Variants in TBX20 observed in about 807,000 individuals in gnomAD.
The protein encoded by TBX20 is T-box transcription factor TBX20.
TBX20 carries 8 observed loss-of-function variants against 42.9 expected under a neutral mutation model. That is an observed-to-expected ratio of 0.19 (90% confidence interval 0.11 to 0.34). The LOEUF is 0.34. Ranked by LOEUF, TBX20 falls within the 10% of genes least tolerant of loss-of-function variation. The pLI is 1.00. For missense variants in TBX20, 411 were observed against 566.0 expected (o/e 0.73, Z 2.78); for synonymous variants, 198 against 222.8 (o/e 0.89, Z 0.99).
chr7:35,222,348 TAAC>T (rs1337037897), intron 6 of TBX20, among the ~76,000 whole-genome samples: 6 of 152,072 alleles, frequency 3.9e-5, no homozygotes, highest in Non-Finnish European at 8.8e-5. Flanking sequence ...TTGATAAATA[TAAC>T]AAAAGACAGA....
At chr7:35,242,986 A>AT (rs1428813782) in intron 4 of TBX20, among the ~76,000 whole-genome samples, 3 of 151,436 alleles carry the variant, frequency 2.0e-5, no homozygotes, top group East Asian at 3.9e-4. Context: ...ATTAAATATA[A>AT]TTTTTTTTTG....
In TBX20 at chr7:35,248,697, G is replaced by A. The variant is rs751924057; in HGVS notation, c.525C>T (p.Ala175=). The A allele has an allele frequency of 4.3e-6, 7 of 1,612,298 alleles. No homozygotes were observed. Among genetic ancestry groups the A allele is most frequent in the Admixed American group, 3.3e-5 (2 of 60,008 alleles). Residue 175 remains alanine, a synonymous_variant, in exon 3 of 8, where the codon GCC becomes GCT. Coordinates refer to ENST00000408931, the MANE Select transcript of TBX20 (RefSeq NM_001077653.2). ...CGAACCTGGCTGGCAACGGCGGGTC[G>A]GCCTTGCCAGCCACCAGCCAGGAGG... ...HRSSWLVAGK[A]DPPLPARLYV...
intron 6 of TBX20, among the ~76,000 whole-genome samples, chr7:35,224,397 C>T (rs1291049728): frequency 6.6e-6 from 1 of 152,086 alleles, no homozygotes; most frequent in African/African-American, 2.4e-5. Context: ...GAGGGCTGGG[C>T]GCAGTGGCTC....
intron 6 of TBX20, among the ~76,000 whole-genome samples, chr7:35,224,048 G>T (rs1014649220): frequency 3.9e-5 from 6 of 152,170 alleles, no homozygotes; most frequent in African/African-American, 1.4e-4. Context: ...ACATGGGACA[G>T]ACATTAACAT....
chr7:35,250,240 T>G, intron 1 of TBX20, 37 bp from the exon 2 acceptor site: 1 of 1,609,844 alleles, frequency 6.2e-7, no homozygotes, highest in Non-Finnish European at 8.5e-7. Flanking sequence ...CAGCTGACAC[T>G]GTTCAACAAG....
intron 6 of TBX20, among the ~76,000 whole-genome samples, chr7:35,229,739 G>A (rs1376464638): frequency 1.3e-5 from 2 of 152,114 alleles, no homozygotes; most frequent in Non-Finnish European, 2.9e-5. Flanking sequence ...GAAACATAGA[G>A]TTACATGGGA....
chr7:35,253,483 G>A lies in TBX20; in HGVS notation c.127+11C>T, dbSNP rs1434341814. 5 of 1,607,738 alleles carry A rather than the reference G, an allele frequency of 3.1e-6. No homozygotes were observed. The highest frequency in any genetic ancestry group is 1.3e-5 in the African/African-American group (1 of 74,776). On this transcript the variant is annotated intron_variant, in intron 1 of 7. Coordinates refer to ENST00000408931, the MANE Select transcript of TBX20 (RefSeq NM_001077653.2). The stretch of plus-strand genomic sequence containing the variant: ...CCAGTCCTCGGCGGACAGCCGGGTA[G>A]CCCAACTTACCCAGGGGTTTGATTG...
intron 6 of TBX20, among the ~76,000 whole-genome samples, chr7:35,207,642 T>C (rs1234905780): frequency 6.6e-6 from 1 of 152,254 alleles, no homozygotes; most frequent in Non-Finnish European, 1.5e-5. Context: ...CTATGATTCA[T>C]CTTGAGTTAA....
intron 5 of TBX20, among the ~76,000 whole-genome samples, chr7:35,237,157 T>C (rs1272068654): frequency 6.6e-6 from 1 of 152,184 alleles, no homozygotes; most frequent in Non-Finnish European, 1.5e-5. Flanking sequence ...CTTGGGTGAA[T>C]GTCTTAACCA....
intron 3 of TBX20, among the ~76,000 whole-genome samples, chr7:35,247,347 A>G (rs1790213880): frequency 6.6e-6 from 1 of 152,000 alleles, no homozygotes; most frequent in Non-Finnish European, 1.5e-5. Flanking sequence ...TCTATTATAA[A>G]CTGGTGAATC....
At chr7:35,205,467 T>A (rs189327640) in intron 6 of TBX20, among the ~76,000 whole-genome samples, 5 of 152,048 alleles carry the variant, frequency 3.3e-5, no homozygotes, top group Admixed American at 3.3e-4. Flanking sequence ...CAAAGACCAA[T>A]GCCAAATTGA....
At chr7:35,251,038 A>G (rs71535810) in intron 1 of TBX20, among the ~76,000 whole-genome samples, 15,067 of 152,214 alleles carry the variant, frequency 0.099, 940 homozygotes, top group Middle Eastern at 0.24. Context: ...TATTAAAGTG[A>G]GAAGAATGCT....
In TBX20 at chr7:35,249,882, G is replaced by T. The variant is rs1304227661; in HGVS notation, c.380+69C>A. 3.3e-6 allele frequency: 5 copies of T among 1,514,432 alleles called. No homozygotes were observed. Among genetic ancestry groups the T allele is most frequent in the Non-Finnish European group, 3.6e-6 (4 of 1,121,952 alleles). 93.8% of individuals were successfully genotyped at this position (1,514,432 alleles called of 1,614,324 possible). A position where few individuals can be genotyped will look rare whatever the true frequency, so the allele number is the denominator to read the frequency against. ...GCCAGCTCTCATCTAGTTCCTGGAA[G>T]CACCCTCAACTACCCAGGGAGTGTC... On this transcript the variant is annotated intron_variant, in intron 2 of 7. Transcript: ENST00000408931. This position sits in a 1 kb window ranked among gnomAD's most constrained non-coding sequence, Gnocchi z 4.3.
rs373659140 is a variant in TBX20, at chr7:35,240,978, G to T, written c.714C>A (p.Asp238Glu). Residue 238 changes from aspartate to glutamate, a missense_variant, in exon 5 of 8, where the codon GAC becomes GAA. This residue lies in a region of TBX20 where 121 missense variants were observed against 165.9 expected (regional missense o/e 0.73). Coordinates refer to ENST00000408931, the MANE Select transcript of TBX20 (RefSeq NM_001077653.2). ...QPRVHIIKKKDHTASLLNLKS... is the reference protein window; with the variant it reads ...QPRVHIIKKKEHTASLLNLKS... ...TCAGGTTGAGCAATGAGGCTGTGTG[G>T]TCTTTCTTCTTAATGATGTGCACCC... 1.9e-6 allele frequency: 3 copies of T among 1,613,584 alleles called. No homozygotes were observed. The highest frequency in any genetic ancestry group is 2.7e-5 in the African/African-American group (2 of 74,910).
intron 6 of TBX20, among the ~76,000 whole-genome samples, chr7:35,229,884 T>C (rs900538965): frequency 6.6e-6 from 1 of 152,146 alleles, no homozygotes; most frequent in African/African-American, 2.4e-5. Context: ...GTGAGCAGGG[T>C]TATTTTTTCC....
At chr7:35,238,408 C>T (rs1276887119) in intron 5 of TBX20, among the ~76,000 whole-genome samples, 2 of 152,126 alleles carry the variant, frequency 1.3e-5, no homozygotes, top group Non-Finnish European at 2.9e-5. Flanking sequence ...TTACCTCCTC[C>T]TGCTTTGGCC....
At chr7:35,242,562 T>A (rs895944202) in intron 4 of TBX20, among the ~76,000 whole-genome samples, 3 of 152,140 alleles carry the variant, frequency 2.0e-5, no homozygotes, top group Non-Finnish European at 4.4e-5. Flanking sequence ...AATTTTCAAA[T>A]CACACCCACC....
chr7:35,229,274 G>A (rs1789828538), intron 6 of TBX20, among the ~76,000 whole-genome samples: 1 of 152,076 alleles, frequency 6.6e-6, no homozygotes, highest in East Asian at 1.9e-4. Flanking sequence ...GTTAAGGATA[G>A]GGCTGTTTTC....
intron 6 of TBX20, 49 bp from the exon 7 acceptor site, chr7:35,204,631 G>A: frequency 1.4e-6 from 2 of 1,403,426 alleles, no homozygotes; most frequent in African/African-American, 2.8e-5. Flanking sequence ...AAAGGACTCA[G>A]AGATACAGAG....
Sources: gnomAD v4.1 joint callset for allele counts (sites outside exome capture counted in the v4.1 genomes callset) on GRCh38, gnomAD v4.1.1 for gene constraint, gnomAD v4.1.1 regional missense constraint, Gnocchi (gnomAD v3.1) non-coding constraint, MANE v1.5 for transcripts, NCBI Gene and HGNC (gene_info 2026-07-23, HGNC 2026-07-21) for gene names.